The following WDPCP variants were observed in gnomAD, a reference collection of about 807,000 sequenced individuals.
The protein encoded by WDPCP is WD repeat-containing and planar cell polarity effector protein fritz homolog.
Under a neutral mutation model 93.1 loss-of-function variants are expected in WDPCP, and 71 were observed. The observed-to-expected ratio is 0.76, with a 90% CI of 0.63 to 0.93. The LOEUF is 0.93. Ranked by LOEUF, WDPCP falls within the 40% of genes least tolerant of loss-of-function variation. WDPCP has a pLI of 0.00. For synonymous variants in WDPCP, 315 were observed against 315.0 expected (o/e 1.00, Z 0.00); for missense variants, 844 against 887.4 (o/e 0.95, Z 0.62).
intron 1 of WDPCP, among the ~76,000 whole-genome samples, chr2:63,493,672 CTGAT>C (rs954065035): frequency 6.6e-6 from 1 of 150,890 alleles, no homozygotes; most frequent in African/African-American, 2.4e-5. Context: ...TCGATTTAGA[CTGAT>C]TGGGAGAAGG....
intron 14 of WDPCP, among the ~76,000 whole-genome samples, chr2:63,246,928 G>C (rs1165612345): frequency 6.6e-6 from 1 of 152,176 alleles, no homozygotes; most frequent in Non-Finnish European, 1.5e-5. Context: ...TAGTGATGAT[G>C]AAACTGTTAA....
In WDPCP at chr2:63,350,863, C is replaced by A. The variant is rs192273915; in HGVS notation, c.1748+27523G>T. Reference sequence around the variant, plus strand: ...ATAGCCAATTTATATACTTTTTAGACCTTTCCTCCCTCCCTTGCTTTCTAT... The same window carrying A: ...ATAGCCAATTTATATACTTTTTAGAACTTTCCTCCCTCCCTTGCTTTCTAT... On this transcript the variant is annotated intron_variant, in intron 12 of 17. Coordinates refer to ENST00000272321, the MANE Select transcript of WDPCP (RefSeq NM_015910.7). 3.9e-3 allele frequency among the ~76,000 whole-genome samples: 589 copies of A among 152,130 alleles called. 6 individuals are homozygous for A. Among genetic ancestry groups the A allele is most frequent in the South Asian group, 0.012 (58 of 4,808 alleles).
chr2:63,400,675 T>C lies in WDPCP; in HGVS notation c.1435+3373A>G, dbSNP rs180788591. On this transcript the variant is annotated intron_variant, in intron 10 of 17. Transcript: ENST00000272321. ...TCATATGGAACCAAAAAGGAGCCCA[T>C]ATAGCCAAGACAATCCTAAGCCAAA... is the stretch of plus-strand genomic sequence containing the variant. 2.3e-3 allele frequency among the ~76,000 whole-genome samples: 355 copies of C among 152,224 alleles called. 1 individual carries two copies. The highest frequency in any genetic ancestry group is 4.0e-3 in the Admixed American group (61 of 15,280).
intron 12 of WDPCP, among the ~76,000 whole-genome samples, chr2:63,333,006 T>C (rs927078743): frequency 2.6e-5 from 4 of 152,202 alleles, no homozygotes; most frequent in Non-Finnish European, 4.4e-5. Flanking sequence ...CCTCTTATAT[T>C]TAGGCTTTAC....
chr2:63,335,126 A>G (rs1437934654), intron 12 of WDPCP, among the ~76,000 whole-genome samples: 1 of 152,150 alleles, frequency 6.6e-6, no homozygotes, highest in Non-Finnish European at 1.5e-5. Flanking sequence ...CCCCTTTCAC[A>G]TGTATATGGG....
chr2:63,387,473 G>A (rs564380023), intron 10 of WDPCP, among the ~76,000 whole-genome samples: 5 of 151,958 alleles, frequency 3.3e-5, no homozygotes, highest in Admixed American at 3.3e-4. Context: ...CAACAAACTA[G>A]GTATTGAAGG....
At chr2:63,461,504 A>C (rs2105753401) in intron 6 of WDPCP, among the ~76,000 whole-genome samples, 1 of 152,216 alleles carries the variant, frequency 6.6e-6, no homozygotes, top group Middle Eastern at 3.4e-3. Flanking sequence ...CTGCATAACC[A>C]CGAGCCAATT....
chr2:63,437,201 T>G (rs1309356512), intron 8 of WDPCP, among the ~76,000 whole-genome samples: 1 of 151,976 alleles, frequency 6.6e-6, no homozygotes, highest in Non-Finnish European at 1.5e-5. Context: ...CTATATAAAT[T>G]GCTCCAAACG....
At chr2:63,742,940 C>T (rs560159075) in intron 2 of WDPCP, among the ~76,000 whole-genome samples, 3 of 151,886 alleles carry the variant, frequency 2.0e-5, no homozygotes, top group Admixed American at 6.6e-5. Context: ...TGACACATGA[C>T]GCAGGTGAAC....
chr2:63,143,921 C>T (rs953375586), intron 17 of WDPCP, among the ~76,000 whole-genome samples: 13 of 152,052 alleles, frequency 8.5e-5, no homozygotes, highest in African/African-American at 1.2e-4. Flanking sequence ...TGTGCCTAGG[C>T]GAAGATCTTT....
At chr2:63,646,734 T>C (rs986178653) in intron 3 of WDPCP, among the ~76,000 whole-genome samples, 2 of 152,176 alleles carry the variant, frequency 1.3e-5, no homozygotes, top group Non-Finnish European at 2.9e-5. Context: ...CACTCCTCTC[T>C]CTCCTGCCTG....
chr2:63,486,511 A>G (rs777635968), intron 4 of WDPCP, 31 bp downstream of exon 4: 5 of 1,540,670 alleles, frequency 3.2e-6, no homozygotes, highest in South Asian at 1.2e-5. Context: ...ACAGTTTTAT[A>G]ATAATTCCAA....
At chr2:63,395,118 G>A (rs538828096) in intron 10 of WDPCP, among the ~76,000 whole-genome samples, 18 of 152,198 alleles carry the variant, frequency 1.2e-4, no homozygotes, top group South Asian at 2.1e-4. Context: ...ACATACTAAC[G>A]TTGAAGATTG....
Position 63,404,516 on chromosome 2 carries a change from G to A in WDPCP, c.967C>T (p.Arg323Trp), listed in dbSNP as rs545767612. 12 of 1,613,686 alleles carry A rather than the reference G, an allele frequency of 7.4e-6. No individual in the cohort carries two copies. The highest frequency in any genetic ancestry group is 1.7e-4 in the Middle Eastern group (1 of 6,058). ...ACTGACACACACTGGATTTTATTCC[G>A]AATGCATTCATAGATGCAGCTGTCA... ...MADSCIYECI[R>W]NKIQCVSVTR... Residue 323 changes from arginine (R) to tryptophan (W), a missense_variant, in exon 10 of 18, where the codon CGG becomes TGG. Physicochemically the swap from Arg to Trp is moderately radical, Grantham distance 101 (BLOSUM62 -3). Transcript: ENST00000272321.
In WDPCP at chr2:63,404,371, G is replaced by A. The variant is rs1458939612; in HGVS notation, c.1112C>T (p.Thr371Ile). 1.9e-6 allele frequency: 3 copies of A among 1,614,076 alleles called. No individual in the cohort carries two copies. The East Asian group carries it at 6.7e-5, about 36-fold the overall frequency. ...CAAAAGTTCAGTCTGTGCTAAGAGA[G>A]TCACTCTACGGTGAGTTTCATAAAG... Reference protein sequence around the residue: ...LILYETHRRVTLLAQTELLPS... With the variant: ...LILYETHRRVILLAQTELLPS... Residue 371 changes from threonine (T) to isoleucine (I), a missense_variant, in exon 10 of 18, where the codon ACT (threonine) becomes ATT (isoleucine). By Grantham distance (89) the Thr-to-Ile change is moderately conservative. Coordinates refer to ENST00000272321, the MANE Select transcript of WDPCP (RefSeq NM_015910.7).
At chr2:63,291,362 C>A (rs1439075755) in intron 13 of WDPCP, among the ~76,000 whole-genome samples, 1 of 152,174 alleles carries the variant, frequency 6.6e-6, no homozygotes, top group Non-Finnish European at 1.5e-5. Context: ...GACCCAATGG[C>A]AGCTGCACCA....
chr2:63,191,436 T>G (rs1000573478), intron 14 of WDPCP, among the ~76,000 whole-genome samples: 1 of 152,186 alleles, frequency 6.6e-6, no homozygotes, highest in African/African-American at 2.4e-5. Context: ...TGACCTTTCA[T>G]TCTGTTTTGT....
intron 1 of WDPCP, among the ~76,000 whole-genome samples, chr2:63,540,616 G>A (rs1420112107): frequency 6.6e-6 from 1 of 152,190 alleles, no homozygotes; most frequent in East Asian, 1.9e-4. Context: ...ACGTGTCTCT[G>A]TATGTAACTG....
intron 2 of WDPCP, among the ~76,000 whole-genome samples, chr2:63,807,406 G>A (rs898050707): frequency 1.3e-5 from 2 of 152,114 alleles, no homozygotes; most frequent in Non-Finnish European, 2.9e-5. Context: ...TCCCACTCTT[G>A]CCATGTGATG....
Sources: gnomAD v4.1 joint callset for allele counts (sites outside exome capture counted in the v4.1 genomes callset) on GRCh38, gnomAD v4.1.1 for gene constraint, MANE v1.5 for transcripts, NCBI Gene and HGNC (gene_info 2026-07-23, HGNC 2026-07-21) for gene names.